Variants in IGFN1 observed in about 807,000 individuals in gnomAD.
IGFN1 encodes the protein immunoglobulin-like and fibronectin type III domain-containing protein 1.
A neutral mutation model predicts 289.5 loss-of-function variants in IGFN1; 253 were observed. The ratio of observed to expected loss-of-function variants is 0.87; its 90% CI spans 0.79 to 0.97. The LOEUF is 0.97. Among genes scored for constraint, IGFN1 ranks in the 50% least tolerant of loss-of-function variants. IGFN1 has a pLI of 0.00. For synonymous variants in IGFN1, 1,706 were observed against 1,788.5 expected (o/e 0.95, Z 1.16); for missense variants, 4,470 against 4,686.1 (o/e 0.95, Z 1.35).
chr1:201,224,829 C>A lies in IGFN1; in HGVS notation c.10441C>A (p.Leu3481Met). ...SGLYTVVLRT[L>M]QGKEVAHSFR... ...TCTCTACACTGTGGTGCTGAGGACC[C>A]TGCAGGGGAAGGAGGTTGCCCACAG... The change falls in exon 21 of 24, where the codon CTG (leucine) becomes ATG (methionine). Residue 3481 changes from leucine (L) to methionine (M), a missense_variant. Physicochemically the swap from Leu to Met is conservative, Grantham distance 15. Coordinates refer to ENST00000335211, the MANE Select transcript of IGFN1 (RefSeq NM_001164586.2). The A allele has an allele frequency of 6.2e-7, 1 of 1,614,022 alleles. No individual in the cohort carries two copies. The highest frequency in any genetic ancestry group is 8.5e-7 in the Non-Finnish European group (1 of 1,179,946).
intron 20 of IGFN1, 79 bp downstream of exon 20, chr1:201,222,906 T>A: frequency 1.1e-6 from 1 of 919,128 alleles, no homozygotes; most frequent in Non-Finnish European, 1.7e-6. Context: ...GGCTCTCTTT[T>A]CTTCCCTGTT....
chr1:201,225,226 A>G (rs2102373604), intron 21 of IGFN1, among the ~76,000 whole-genome samples: 1 of 152,310 alleles, frequency 6.6e-6, no homozygotes, highest in East Asian at 1.9e-4. Context: ...TGCACAGGAT[A>G]AAGGCTTTCC....
chr1:201,227,252 G>A, intron 23 of IGFN1, 44 bp downstream of exon 23: 2 of 1,474,918 alleles, frequency 1.4e-6, no homozygotes, highest in Non-Finnish European at 1.8e-6. Context: ...GGAGAGCCAG[G>A]AGAGCAACCA....
intron 20 of IGFN1, among the ~76,000 whole-genome samples, chr1:201,224,406 C>T (rs553107862): frequency 2.3e-4 from 35 of 152,294 alleles, no homozygotes; most frequent in African/African-American, 7.7e-4. Flanking sequence ...AGAGGTGTGA[C>T]GTGGAGGGCA....
intron 8 of IGFN1, among the ~76,000 whole-genome samples, chr1:201,201,032 C>T (rs538935989): frequency 2.0e-5 from 3 of 152,138 alleles, no homozygotes; most frequent in East Asian, 3.9e-4. Flanking sequence ...GGGGTTTCAC[C>T]GTGTTAGCCA....
intron 17 of IGFN1, among the ~76,000 whole-genome samples, chr1:201,218,321 G>A (rs969322351): frequency 8.5e-5 from 13 of 152,260 alleles, no homozygotes; most frequent in Admixed American, 5.9e-4. Flanking sequence ...CAAGTTAGTG[G>A]TGGAACCAGA....
In IGFN1 at chr1:201,214,283, G is replaced by C; in HGVS notation, c.8835G>C (p.Trp2945Cys). 6.2e-7 allele frequency: 1 copy of C among 1,611,614 alleles called. No individual in the cohort carries two copies. The highest frequency in any genetic ancestry group is 8.5e-7 in the Non-Finnish European group (1 of 1,178,226). The change falls in exon 13 of 24, where the codon TGG becomes TGC. Residue 2945 changes from tryptophan (W) to cysteine (C), a missense_variant. Coordinates refer to ENST00000335211, the MANE Select transcript of IGFN1 (RefSeq NM_001164586.2). ...TLTSDLGPGT[W>C]FKDGVKLTTQ... ...CCAGTGACCTGGGACCTGGCACCTGGTTTAAGGATGGCGTCAAGGTACTGC... is the reference window on the plus strand; with the variant it reads ...CCAGTGACCTGGGACCTGGCACCTGCTTTAAGGATGGCGTCAAGGTACTGC...
rs562626767 is a variant in IGFN1, at chr1:201,225,951, C to T, written c.10614C>T (p.Ser3538=). 1.9e-6 allele frequency: 3 copies of T among 1,596,398 alleles called. No individual in the cohort carries two copies. The highest frequency in any genetic ancestry group is 2.7e-5 in the African/African-American group (2 of 74,812). Residue 3538 remains serine, a synonymous_variant, in exon 22 of 24, where the codon TCC becomes TCT. Coordinates refer to ENST00000335211, the MANE Select transcript of IGFN1 (RefSeq NM_001164586.2). ...TGCACTACGCGGTGTTCACACGCTC[C>T]TCAGCGCACGGTCCCTGGCACGAGG... The part of the protein sequence containing the change: ...VPLHYAVFTR[S]SAHGPWHEAA...
Position 201,224,793 on chromosome 1 carries a change from T to C in IGFN1, c.10405T>C (p.Ser3469Pro), listed in dbSNP as rs149543929. ...TQLLIPVAGLSDSGLYTVVLR... is the reference protein window; with the variant it reads ...TQLLIPVAGLPDSGLYTVVLR... ...GCTTCTGATCCCTGTGGCTGGACTC[T>C]CAGACAGTGGTCTCTACACTGTGGT... Residue 3469 changes from serine (S) to proline (P), a missense_variant, in exon 21 of 24, where the codon TCA (serine) becomes CCA (proline). Physicochemically the swap from Ser to Pro is moderately conservative, Grantham distance 74 (BLOSUM62 -1). This residue lies in a region of IGFN1 where 2,218 missense variants were observed against 2,114.1 expected (regional missense o/e 1.05). Transcript: ENST00000335211. The C allele has an allele frequency of 6.2e-7, 1 of 1,614,050 alleles. No homozygotes were observed. Among genetic ancestry groups the C allele is most frequent in the African/African-American group, 1.3e-5 (1 of 74,908 alleles).
In IGFN1 at chr1:201,209,462, G is replaced by A. The variant is rs1363229822; in HGVS notation, c.4569G>A (p.Gly1523=). The A allele has an allele frequency of 3.9e-6, 6 of 1,536,588 alleles. No individual in the cohort carries two copies. In the South Asian group the frequency reaches 4.8e-5, roughly 12 times the overall value. ...YRGGLGSGEM[G]SVDKAGYRKD... ...GTGGCTTAGGTTCTGGGGAAATGGG[G>A]TCTGTGGATAAGGCAGGCTATAGGA... Residue 1523 remains glycine (G), a synonymous_variant, in exon 12 of 24, where the codon GGG becomes GGA. Transcript: ENST00000335211.
chr1:201,211,451 G>C lies in IGFN1; in HGVS notation c.6558G>C (p.Glu2186Asp). ...AGYRKDLGAP[E>D]GMGSGSKAGF... ...ATAGGAAGGATTTGGGAGCTCCTGA[G>C]GGAATGGGTTCAGGGAGTAAGGCAG... The change falls in exon 12 of 24, where the codon GAG (glutamate) becomes GAC (aspartate). Residue 2186 changes from glutamate to aspartate, a missense_variant. Glu to Asp is a conservative substitution (Grantham distance 45, BLOSUM62 2). Around this residue, in one of 8 missense-constraint regions of IGFN1, gnomAD observed 2,218 missense variants for 2,114.1 expected, o/e 1.05. Coordinates refer to ENST00000335211, the MANE Select transcript of IGFN1 (RefSeq NM_001164586.2). 3 of 1,500,990 alleles carry C rather than the reference G, an allele frequency of 2.0e-6. No individual in the cohort carries two copies. The highest frequency in any genetic ancestry group is 3.4e-4 in the Middle Eastern group (2 of 5,840). 93.0% of individuals were successfully genotyped at this position (1,500,990 alleles called of 1,614,324 possible).
intron 18 of IGFN1, among the ~76,000 whole-genome samples, chr1:201,220,085 T>G (rs1166130561): frequency 6.6e-6 from 1 of 150,440 alleles, no homozygotes; most frequent in Non-Finnish European, 1.5e-5. Flanking sequence ...TTTCTCTTTT[T>G]CTTTCTTTCT....
intron 9 of IGFN1, among the ~76,000 whole-genome samples, chr1:201,202,362 A>G (rs1021494719): frequency 6.6e-6 from 1 of 152,120 alleles, no homozygotes; most frequent in Non-Finnish European, 1.5e-5. Flanking sequence ...AACTGGGGAT[A>G]ATATAGGACC....
At position 201,228,577 on chromosome 1, in the gene IGFN1, C is replaced by G; in HGVS notation, c.*178C>G. 1.5e-6 allele frequency: 1 copy of G among 678,694 alleles called. No homozygotes were observed. Among genetic ancestry groups the G allele is most frequent in the Non-Finnish European group, 2.6e-6 (1 of 377,902 alleles). The allele number at this position is 678,694 out of a possible 1,614,324, so 42.0% of individuals were successfully genotyped here. A position where few individuals can be genotyped will look rare whatever the true frequency, so the allele number is the denominator to read the frequency against. On this transcript the variant is annotated 3_prime_UTR_variant, in exon 24 of 24. Coordinates refer to ENST00000335211, the MANE Select transcript of IGFN1 (RefSeq NM_001164586.2). ...ACGTGAAGTCCTTGGGGAAGAAAAA[C>G]AAGGGAGGAGGGCATTCCACCTCCT...
At position 201,218,590 on chromosome 1, in the gene IGFN1, C is replaced by A; in HGVS notation, c.9830C>A (p.Ala3277Asp). The A allele has an allele frequency of 6.2e-7, 1 of 1,613,180 alleles. No homozygotes were observed. Among genetic ancestry groups the A allele is most frequent in the Non-Finnish European group, 8.5e-7 (1 of 1,179,940 alleles). Residue 3277 changes from alanine (A) to aspartate (D), a missense_variant, in exon 18 of 24, where the codon GCT becomes GAT. This residue lies in a region of IGFN1 where 2,218 missense variants were observed against 2,114.1 expected (regional missense o/e 1.05). Transcript: ENST00000335211. ...TGTCAGTATGAGTTCCGGGTCACAGCTGTGGCTCCCTCAGGTCCCGGAGAG... is the reference window on the plus strand; with the variant it reads ...TGTCAGTATGAGTTCCGGGTCACAGATGTGGCTCCCTCAGGTCCCGGAGAG... ...QGCQYEFRVT[A>D]VAPSGPGEPG...
chr1:201,207,293 T>C lies in IGFN1; in HGVS notation c.2400T>C (p.Ala800=), dbSNP rs1446445794. 8 of 1,536,572 alleles carry C rather than the reference T, an allele frequency of 5.2e-6. No homozygotes were observed. Among genetic ancestry groups the C allele is most frequent in the Non-Finnish European group, 7.0e-6 (8 of 1,146,878 alleles). The change falls in exon 12 of 24, where the codon GCT becomes GCC. Residue 800 remains alanine (A), a synonymous_variant. Coordinates refer to ENST00000335211, the MANE Select transcript of IGFN1 (RefSeq NM_001164586.2). ...ELRGRDGQET[A]WASGEVEYDP... ...GGGGAAGGGATGGCCAGGAAACAGC[T>C]TGGGCCTCGGGTGAGGTAGAGTATG...
chr1:201,218,392 T>A, intron 17 of IGFN1, 138 bp from the exon 18 acceptor site: 1 of 748,394 alleles, frequency 1.3e-6, no homozygotes, highest in East Asian at 2.7e-5. Context: ...GGGAACTGAG[T>A]CACAGCGGGT....
chr1:201,213,707 G>C, intron 12 of IGFN1, 86 bp downstream of exon 12: 3 of 1,142,700 alleles, frequency 2.6e-6, no homozygotes, highest in Non-Finnish European at 2.5e-6. Flanking sequence ...GTCTGTCCCA[G>C]TTCTGCCTCC....
At chr1:201,196,465 C>T (rs528634894) in intron 4 of IGFN1, among the ~76,000 whole-genome samples, 1 of 152,194 alleles carries the variant, frequency 6.6e-6, no homozygotes, top group Non-Finnish European at 1.5e-5. Flanking sequence ...CTGCTTCAGC[C>T]TCCCAAGTAG....
Sources: gnomAD v4.1 joint callset for allele counts (sites outside exome capture counted in the v4.1 genomes callset) on GRCh38, gnomAD v4.1.1 for gene constraint, gnomAD v4.1.1 regional missense constraint, MANE v1.5 for transcripts, NCBI Gene and HGNC (gene_info 2026-07-23, HGNC 2026-07-21) for gene names.